Variants in MAST1 observed in about 807,000 individuals in gnomAD.
MAST1 encodes microtubule-associated serine/threonine-protein kinase 1.
In MAST1, 40 loss-of-function variants were observed where a neutral mutation model predicts 124.6. The ratio of observed to expected loss-of-function variants is 0.32; its 90% CI spans 0.25 to 0.42. The LOEUF (loss-of-function observed/expected upper bound fraction) is 0.42. Ranked by LOEUF, MAST1 falls within the 10% of genes least tolerant of loss-of-function variation. MAST1 has a pLI of 1.00. For missense variants in MAST1, 1,558 were observed against 2,181.9 expected (o/e 0.71, Z 5.70); for synonymous variants, 938 against 939.4 (o/e 1.00, Z 0.03).
Position 12,848,073 on chromosome 19 carries a change from G to C in MAST1, c.774+16G>C. On this transcript the variant is annotated intron_variant, in intron 7 of 25. Coordinates refer to ENST00000251472, the MANE Select transcript of MAST1 (RefSeq NM_014975.3). ...CCTTCAAGACGTGAGTGCACGCGGA[G>C]GCCGGGCTGATCTCAGGCTCAGCAC... 2 of 1,609,878 alleles carry C rather than the reference G, an allele frequency of 1.2e-6. No homozygotes were observed. Among genetic ancestry groups the C allele is most frequent in the Non-Finnish European group, 1.7e-6 (2 of 1,177,884 alleles).
chr19:12,867,709 A>G (rs756016240), intron 19 of MAST1, 21 bp from the exon 20 acceptor site: 4 of 1,531,378 alleles, frequency 2.6e-6, no homozygotes, highest in Admixed American at 2.2e-5. Context: ...TGTCTTCCAT[A>G]ACCACGCCCC....
intron 22 of MAST1, among the ~76,000 whole-genome samples, chr19:12,870,531 G>A (rs1314904850): frequency 1.4e-5 from 2 of 147,926 alleles, no homozygotes; most frequent in South Asian, 2.1e-4. Context: ...AGGTAGTGGC[G>A]CATGCCTATA....
Position 12,871,187 on chromosome 19 carries a change from A to G in MAST1, c.3263+15A>G, listed in dbSNP as rs773800320. 7 of 1,613,768 alleles carry G rather than the reference A, an allele frequency of 4.3e-6. No homozygotes were observed. The African/African-American group carries it at 8.0e-5, about 18-fold the overall frequency. ...GGCCAGGAGAGGTGGGCACAGCCGT[A>G]AACAGCCTGGTCTTTGAGCAGTGGG... is the stretch of plus-strand genomic sequence containing the variant. On this transcript the variant is annotated intron_variant, in intron 24 of 25. Transcript: ENST00000251472.
chr19:12,840,225 A>G lies in MAST1; in HGVS notation c.84-221A>G, dbSNP rs114436765. Among the ~76,000 whole-genome samples, 452 of 152,326 alleles carry G rather than the reference A, an allele frequency of 3.0e-3. 4 individuals carry two copies. Among genetic ancestry groups the G allele is most frequent in the African/African-American group, 0.011 (439 of 41,580 alleles). ...ACAGACACTGCCCTACACATAATCC[A>G]TACTGAGAGTTTCTCACACACATGT... On this transcript the variant is annotated intron_variant, in intron 1 of 25. Coordinates refer to ENST00000251472, the MANE Select transcript of MAST1 (RefSeq NM_014975.3).
Position 12,847,570 on chromosome 19 carries a change from T to G in MAST1, c.489-42T>G, listed in dbSNP as rs1969909056. ...TTGGGGCGGGGGCTCTCTGCGGGCT[T>G]GGAGGCAGAGGACTCGACAAAATGG... On this transcript the variant is annotated intron_variant, in intron 5 of 25. Coordinates refer to ENST00000251472, the MANE Select transcript of MAST1 (RefSeq NM_014975.3). This position sits in a 1 kb window ranked among gnomAD's most constrained non-coding sequence, Gnocchi z 5.5. 2.5e-6 allele frequency: 4 copies of G among 1,613,282 alleles called. No homozygotes were observed. The Admixed American group carries it at 6.7e-5, about 27-fold the overall frequency.
intron 12 of MAST1, among the ~76,000 whole-genome samples, chr19:12,862,295 G>T (rs1179042115): frequency 6.6e-6 from 1 of 152,038 alleles, no homozygotes; most frequent in African/African-American, 2.4e-5. Flanking sequence ...GTGAATCACT[G>T]CGCCCAGCCT....
At chr19:12,852,306 C>G (rs779995143) in intron 9 of MAST1, 22 bp from the exon 10 acceptor site, 24 of 1,614,032 alleles carry the variant, frequency 1.5e-5, no homozygotes, top group Non-Finnish European at 8.5e-7. Context: ...CCAGCTCGTG[C>G]TCACTCTCAG....
intron 10 of MAST1, among the ~76,000 whole-genome samples, chr19:12,857,828 G>C (rs1472792783): frequency 3.3e-5 from 5 of 152,054 alleles, no homozygotes; most frequent in African/African-American, 1.2e-4. Context: ...AGGAGTTCAA[G>C]AGCAGCCTGG....
chr19:12,850,451 A>G (rs1434797518), intron 7 of MAST1, among the ~76,000 whole-genome samples: 1 of 152,200 alleles, frequency 6.6e-6, no homozygotes, highest in Non-Finnish European at 1.5e-5. Context: ...CAGAACATTA[A>G]ATTAATTTTT....
chr19:12,867,354 G>C, intron 18 of MAST1, 120 bp from the exon 19 acceptor site: 1 of 1,128,142 alleles, frequency 8.9e-7, no homozygotes, highest in Non-Finnish European at 1.3e-6. Context: ...TGCACAATTG[G>C]GCGGAGCCAG....
chr19:12,865,874 A>T lies in MAST1; in HGVS notation c.1906+56A>T. 6.2e-7 allele frequency: 1 copy of T among 1,602,252 alleles called. No individual in the cohort carries two copies. The highest frequency in any genetic ancestry group is 2.2e-5 in the East Asian group (1 of 44,722). On this transcript the variant is annotated intron_variant, in intron 16 of 25. Coordinates refer to ENST00000251472, the MANE Select transcript of MAST1 (RefSeq NM_014975.3). This position sits in a 1 kb window ranked among gnomAD's most constrained non-coding sequence, Gnocchi z 7.1. ...CCACTGATAGAGAGCAGGCCTCCAA[A>T]ACCCCAGGCCCAGCCTGTGCTGTGG... is the stretch of plus-strand genomic sequence containing the variant.
In MAST1 at chr19:12,843,612, G is replaced by T; in HGVS notation, c.327+5G>T. The T allele has an allele frequency of 6.2e-7, 1 of 1,612,586 alleles. No homozygotes were observed. Among genetic ancestry groups the T allele is most frequent in the Non-Finnish European group, 8.5e-7 (1 of 1,179,362 alleles). On this transcript the variant is annotated splice_donor_5th_base_variant and intron_variant, in intron 4 of 25. Transcript: ENST00000251472. The surrounding 1 kb of genome is among the most constrained non-coding windows in gnomAD (Gnocchi z 4.9). ...ACGCCCAGTTCCACCGTCTCGGTGA[G>T]TGTGGAAAGTAGGTGGGTGGGCCGG...
chr19:12,854,898 A>AT (rs1484036990), intron 10 of MAST1, among the ~76,000 whole-genome samples: 1 of 152,134 alleles, frequency 6.6e-6, no homozygotes, highest in African/African-American at 2.4e-5. Flanking sequence ...TCCTACCCCA[A>AT]TGGCCACACA....
chr19:12,848,140 A>G (rs1179374452), intron 7 of MAST1, 83 bp downstream of exon 7: 5 of 1,251,974 alleles, frequency 4.0e-6, no homozygotes, highest in Non-Finnish European at 5.6e-6. Context: ...CACCCCACAT[A>G]CATTCAGGGA....
At chr19:12,845,029 C>CTCATGCCTATAATCCTAGCATTTT (rs1969875285) in intron 4 of MAST1, among the ~76,000 whole-genome samples, 1 of 152,030 alleles carries the variant, frequency 6.6e-6, no homozygotes, top group Admixed American at 6.6e-5. Flanking sequence ...TGGCCGGGCG[C>CTCATGCCTATAATCCTAGCATTTT]GGTGGCTCAT....
At chr19:12,848,329 A>G (rs1969921846) in intron 7 of MAST1, 4 of 430,768 alleles carry the variant, frequency 9.3e-6, no homozygotes, top group Non-Finnish European at 1.7e-5. Flanking sequence ...CATTTAAAAT[A>G]TTAAACTCGG....
rs1297855052 is a variant in MAST1, at chr19:12,874,183, G to C, written c.4026G>C (p.Ala1342=). ...GRQESPLSLG[A]DPLLPEGASR... is the part of the protein sequence containing the mutation. The stretch of plus-strand genomic sequence containing the variant: ...AGGAGTCACCTTTGAGCCTGGGCGC[G>C]GACCCGTTGCTGCCCGAGGGTGCCT... Residue 1342 remains alanine (A), a synonymous_variant, in exon 26 of 26, where the codon GCG becomes GCC. Transcript: ENST00000251472. The surrounding 1 kb of genome is among the most constrained non-coding windows in gnomAD (Gnocchi z 6.6). 1 of 1,542,196 alleles carries C rather than the reference G, an allele frequency of 6.5e-7. No homozygotes were observed. The highest frequency in any genetic ancestry group is 8.7e-7 in the Non-Finnish European group (1 of 1,146,890).
chr19:12,865,974 T>C lies in MAST1; in HGVS notation c.1907-6T>C. 3.7e-6 allele frequency: 6 copies of C among 1,613,336 alleles called. No homozygotes were observed. The highest frequency in any genetic ancestry group is 4.2e-6 in the Non-Finnish European group (5 of 1,179,882). On this transcript the variant is annotated splice_region_variant and splice_polypyrimidine_tract_variant and intron_variant, in intron 16 of 25. Transcript: ENST00000251472. The surrounding 1 kb of genome is among the most constrained non-coding windows in gnomAD (Gnocchi z 7.1). ...TCAGCTGTGGCTGGAATCCCTTCCG[T>C]CCCAGGCGGCGCTTTTGAGGTGAAG...
chr19:12,851,624 T>G (rs1229618708), intron 7 of MAST1, among the ~76,000 whole-genome samples: 1 of 152,114 alleles, frequency 6.6e-6, no homozygotes, highest in Non-Finnish European at 1.5e-5. Context: ...GTAGCTGGGA[T>G]TACAGGCACC....
Sources: gnomAD v4.1 joint callset for allele counts (sites outside exome capture counted in the v4.1 genomes callset) on GRCh38, gnomAD v4.1.1 for gene constraint, Gnocchi (gnomAD v3.1) non-coding constraint, MANE v1.5 for transcripts, NCBI Gene and HGNC (gene_info 2026-07-23, HGNC 2026-07-21) for gene names.